The following CAMTA1 variants were observed in gnomAD, a reference collection of about 807,000 sequenced individuals.
The protein encoded by CAMTA1 is calmodulin-binding transcription activator 1.
CAMTA1 carries 27 observed loss-of-function variants against 170.9 expected under a neutral mutation model. That is an observed-to-expected ratio of 0.16 (90% CI 0.12 to 0.22). The LOEUF is 0.22. Among genes scored for constraint, CAMTA1 ranks in the 10% least tolerant of loss-of-function variants. The pLI is 1.00. For synonymous variants in CAMTA1, 833 were observed against 891.5 expected (o/e 0.93, Z 1.17); for missense variants, 1,619 against 2,217.2 (o/e 0.73, Z 5.42).
chr1:7,504,681 C>T (rs1371236259), intron 6 of CAMTA1, among the ~76,000 whole-genome samples: 1 of 152,276 alleles, frequency 6.6e-6, no homozygotes, highest in Non-Finnish European at 1.5e-5. Context: ...GAGGTGAGGT[C>T]CAGAACATTC....
At chr1:7,250,400 G>A (rs1272644493) in intron 5 of CAMTA1, among the ~76,000 whole-genome samples, 1 of 152,226 alleles carries the variant, frequency 6.6e-6, no homozygotes, top group Admixed American at 6.5e-5. Context: ...TTCCTAACTG[G>A]TCCTGGGAAG....
At chr1:6,995,290 CTTTTCTTTTTTTT>C (rs1697041869) in intron 3 of CAMTA1, among the ~76,000 whole-genome samples, 2 of 82,266 alleles carry the variant, frequency 2.4e-5, no homozygotes, top group Middle Eastern at 7.1e-3. Flanking sequence ...TCTTTTTTTT[CTTTTCTTTTTTTT>C]TTTTTTTTTT....
chr1:7,307,171 T>A (rs1390747614), intron 5 of CAMTA1, among the ~76,000 whole-genome samples: 1 of 152,048 alleles, frequency 6.6e-6, no homozygotes, highest in Non-Finnish European at 1.5e-5. Flanking sequence ...ATATATTTTT[T>A]ATTAGGTTTT....
At chr1:6,785,804 C>T (rs1639062509) in intron 1 of CAMTA1, among the ~76,000 whole-genome samples, 1 of 86,714 alleles carries the variant, frequency 1.2e-5, no homozygotes, top group South Asian at 4.0e-4. Flanking sequence ...CACCCCACCC[C>T]CGGGGGCGGG....
intron 6 of CAMTA1, among the ~76,000 whole-genome samples, chr1:7,498,606 A>C (rs2093885246): frequency 6.6e-6 from 1 of 151,580 alleles, no homozygotes; most frequent in Admixed American, 6.6e-5. Flanking sequence ...TGTGAGTGTG[A>C]ACATCTGTGT....
At position 7,470,919 on chromosome 1, in the gene CAMTA1, C is replaced by T. The variant is rs76973100; in HGVS notation, c.510+3018C>T. On this transcript the variant is annotated intron_variant, in intron 6 of 22. Coordinates refer to ENST00000303635, the MANE Select transcript of CAMTA1 (RefSeq NM_015215.4). ...AACTAGTCAGCTCCCAAGGGAGAGA[C>T]ATGAATTCCTGTCTCCCCTGAGTGC... Among the ~76,000 whole-genome samples, 1,501 of 152,294 alleles carry T rather than the reference C, an allele frequency of 9.9e-3. 26 individuals carry two copies. The highest frequency in any genetic ancestry group is 0.073 in the East Asian group (377 of 5,160).
At chr1:7,689,933 G>A (rs952814931) in intron 11 of CAMTA1, among the ~76,000 whole-genome samples, 6 of 152,282 alleles carry the variant, frequency 3.9e-5, no homozygotes, top group African/African-American at 7.2e-5. Context: ...CGAGTTGGGC[G>A]TATCACCTGA....
chr1:7,322,980 T>TC (rs1484787050), intron 5 of CAMTA1, among the ~76,000 whole-genome samples: 4 of 119,402 alleles, frequency 3.4e-5, no homozygotes, highest in African/African-American at 1.2e-4. Flanking sequence ...TTCCTCCCTT[T>TC]CCCCTTCCCT....
chr1:7,043,647 C>T (rs1704847850), intron 3 of CAMTA1, among the ~76,000 whole-genome samples: 1 of 152,150 alleles, frequency 6.6e-6, no homozygotes, highest in East Asian at 1.9e-4. Context: ...TATATGGTGA[C>T]GTTTTTCAGT....
chr1:7,156,141 G>C lies in CAMTA1; in HGVS notation c.302+64770G>C, dbSNP rs549197590. Among the ~76,000 whole-genome samples, 4 of 151,962 alleles carry C rather than the reference G, an allele frequency of 2.6e-5. No individual in the cohort carries two copies. In the South Asian group the frequency reaches 8.3e-4, roughly 32 times the overall value. Reference sequence around the variant, plus strand: ...ATACAAAAAAAAAATAGCCAGATGTGGTGGCACGTGTGATCCCAGGTACTT... The same window carrying C: ...ATACAAAAAAAAAATAGCCAGATGTCGTGGCACGTGTGATCCCAGGTACTT... On this transcript the variant is annotated intron_variant, in intron 4 of 22. Transcript: ENST00000303635.
rs1008077052 is a variant in CAMTA1, at chr1:6,934,491, T to C, written c.234+109281T>C. Among the ~76,000 whole-genome samples, 4 of 152,126 alleles carry C rather than the reference T, an allele frequency of 2.6e-5. No homozygotes were observed. Among genetic ancestry groups the C allele is most frequent in the Admixed American group, 2.6e-4 (4 of 15,276 alleles). ...GGGCAGGTGTGGGAGGAATTTCCTT[T>C]CCAGAACATTCCTTTGAGGAGGAGA... On this transcript the variant is annotated intron_variant, in intron 3 of 22. Coordinates refer to ENST00000303635, the MANE Select transcript of CAMTA1 (RefSeq NM_015215.4). This position sits in a 1 kb window ranked among gnomAD's most constrained non-coding sequence, Gnocchi z 4.5.
At chr1:7,259,430 G>A (rs893680273) in intron 5 of CAMTA1, among the ~76,000 whole-genome samples, 1 of 152,060 alleles carries the variant, frequency 6.6e-6, no homozygotes, top group Non-Finnish European at 1.5e-5. Context: ...TATTAGAAGT[G>A]CAGAATTTCA....
chr1:7,737,681 G>A (rs2096782307), intron 15 of CAMTA1, 111 bp downstream of exon 15: 1 of 1,110,498 alleles, frequency 9.0e-7, no homozygotes. Context: ...CAGTTTTTTT[G>A]TTAATGTTTC....
intron 4 of CAMTA1, among the ~76,000 whole-genome samples, chr1:7,203,516 A>G (rs1362834223): frequency 1.5e-5 from 2 of 135,674 alleles, no homozygotes; most frequent in African/African-American, 2.8e-5. Context: ...TAAATTGCCT[A>G]TTCAGTCTTT....
chr1:6,803,044 C>T (rs544611344), intron 1 of CAMTA1, among the ~76,000 whole-genome samples: 3 of 152,180 alleles, frequency 2.0e-5, no homozygotes, highest in Admixed American at 6.5e-5. Context: ...CCACCGTGCC[C>T]GGCCCCAGAA....
chr1:7,489,793 C>G (rs2093675267), intron 6 of CAMTA1, among the ~76,000 whole-genome samples: 1 of 152,214 alleles, frequency 6.6e-6, no homozygotes, highest in African/African-American at 2.4e-5. Context: ...CGGAGCAGTT[C>G]CCATGCCAGG....
rs2096094493 is a variant in CAMTA1 at position 7,674,588 on chromosome 1, G to C, written c.2780-3011G>C. ...GAAGTCAGGAGTTCGAGACCAGCCT[G>C]ACCGACATGGTGAAACCCCGTCTCT... On this transcript the variant is annotated intron_variant, in intron 10 of 22. Coordinates refer to ENST00000303635, the MANE Select transcript of CAMTA1 (RefSeq NM_015215.4). The surrounding 1 kb of genome is among the most constrained non-coding windows in gnomAD (Gnocchi z 4.1). 6.6e-6 allele frequency among the ~76,000 whole-genome samples: 1 copy of C among 152,170 alleles called. No individual in the cohort carries two copies. Among genetic ancestry groups the C allele is most frequent in the Non-Finnish European group, 1.5e-5 (1 of 68,028 alleles).
At chr1:7,578,648 G>A (rs760415845) in intron 6 of CAMTA1, among the ~76,000 whole-genome samples, 8 of 152,300 alleles carry the variant, frequency 5.3e-5, no homozygotes, top group Non-Finnish European at 8.8e-5. Flanking sequence ...CCGCAGGCTG[G>A]GTAACTTACA....
chr1:7,031,260 C>T (rs1702761889), intron 3 of CAMTA1, among the ~76,000 whole-genome samples: 1 of 152,006 alleles, frequency 6.6e-6, no homozygotes, highest in Non-Finnish European at 1.5e-5. Flanking sequence ...TCTGTTGTTT[C>T]ATAAACATTT....
Sources: gnomAD v4.1 joint callset for allele counts (sites outside exome capture counted in the v4.1 genomes callset) on GRCh38, gnomAD v4.1.1 for gene constraint, Gnocchi (gnomAD v3.1) non-coding constraint, MANE v1.5 for transcripts, NCBI Gene and HGNC (gene_info 2026-07-23, HGNC 2026-07-21) for gene names.